Variants in GALT observed in about 807,000 individuals in gnomAD.
GALT encodes galactose-1-phosphate uridylyltransferase.
A neutral mutation model predicts 55.4 loss-of-function variants in GALT; 42 were observed. That is an observed-to-expected ratio of 0.76 (90% CI 0.59 to 0.98). The LOEUF (loss-of-function observed/expected upper bound fraction) is 0.98, where lower values mean the gene tolerates loss of function less well. GALT is among the 50% of genes least tolerant of loss of function. The probability of loss-of-function intolerance (pLI) is 0.00; values close to 1 mark genes in which losing one functional copy is unlikely to be tolerated. For synonymous variants in GALT, 154 were observed against 181.5 expected (o/e 0.85, Z 1.22); for missense variants, 407 against 495.7 (o/e 0.82, Z 1.70).
Position 34,646,751 on chromosome 9 carries a change from A to G in GALT, c.47A>G (p.Glu16Gly). ...CCTCAGCAACGCCAGCAGGCGTCAG[A>G]GGCGGACGCCGCAGCAGCAACCTTC... ...TDPQQRQQASEADAAAATFRA... is the reference protein window; with the variant it reads ...TDPQQRQQASGADAAAATFRA... The change falls in exon 1 of 11, where the codon GAG becomes GGG. Residue 16 changes from glutamate (E) to glycine (G), a missense_variant. Transcript: ENST00000378842. 6.2e-7 allele frequency: 1 copy of G among 1,613,616 alleles called. No individual in the cohort carries two copies. The highest frequency in any genetic ancestry group is 8.5e-7 in the Non-Finnish European group (1 of 1,179,964).
chr9:34,648,613 G>A lies in GALT; in HGVS notation c.688-149G>A, dbSNP rs2044245183. ...AGTAATCTAAAGGAAAGATGATGGT[G>A]ACTTAGACTCGGGTGGTTAGTGGTA... On this transcript the variant is annotated intron_variant, in intron 7 of 10. Transcript: ENST00000378842. This position sits in a 1 kb window ranked among gnomAD's most constrained non-coding sequence, Gnocchi z 4.9. The A allele has an allele frequency of 6.0e-6, 9 of 1,489,392 alleles. No individual in the cohort carries two copies. The Middle Eastern group carries it at 5.1e-4, about 85-fold the overall frequency. 92.3% of individuals were successfully genotyped at this position (1,489,392 alleles called of 1,614,324 possible).
rs762189546 is a variant in GALT at position 34,646,803 on chromosome 9, A to G, written c.82+17A>G. 6.2e-7 allele frequency: 1 copy of G among 1,613,228 alleles called. No individual in the cohort carries two copies. Among genetic ancestry groups the G allele is most frequent in the Non-Finnish European group, 8.5e-7 (1 of 1,179,872 alleles). On this transcript the variant is annotated intron_variant, in intron 1 of 10. Transcript: ENST00000378842. ...GGGCAAACGGTAACTGCACCGCGGCAGGGACTCGCTGGGGCGCGGAGCCGA... is the reference window on the plus strand; with the variant it reads ...GGGCAAACGGTAACTGCACCGCGGCGGGGACTCGCTGGGGCGCGGAGCCGA...
At chr9:34,646,826 C>G (rs1200951022) in intron 1 of GALT, 40 bp downstream of exon 1, 9 of 1,612,704 alleles carry the variant, frequency 5.6e-6, no homozygotes, top group Non-Finnish European at 6.8e-6. Flanking sequence ...GGCGCGGAGC[C>G]GAGCCCTCCC....
At chr9:34,649,144 C>T (rs1821189683) in intron 9 of GALT, 63 bp downstream of exon 9, 1 of 1,501,458 alleles carries the variant, frequency 6.7e-7, no homozygotes, top group Admixed American at 1.7e-5. Flanking sequence ...GGGGCTCAGC[C>T]TAGTGAACTG....
chr9:34,646,965 C>T (rs1587236821), intron 1 of GALT, 124 bp from the exon 2 acceptor site: 5 of 1,604,718 alleles, frequency 3.1e-6, no homozygotes, highest in Non-Finnish European at 3.4e-6. Flanking sequence ...CAATCCTGGG[C>T]CTCTAGCTCC....
At chr9:34,650,058 T>A in intron 10 of GALT, 1 of 383,774 alleles carries the variant, frequency 2.6e-6, no homozygotes, top group South Asian at 2.9e-5. Flanking sequence ...GATGGGAGGA[T>A]TGCTTGAGCC....
At position 34,647,347 on chromosome 9, in the gene GALT, C is replaced by A. The variant is rs1289686669; in HGVS notation, c.252+89C>A. ...TCCTCCACCCACAGGGATAGTGAACCTCCTTCTGGGTCATATCCCACCAAG... is the reference window on the plus strand; with the variant it reads ...TCCTCCACCCACAGGGATAGTGAACATCCTTCTGGGTCATATCCCACCAAG... On this transcript the variant is annotated intron_variant, in intron 2 of 10. Transcript: ENST00000378842. This position sits in a 1 kb window ranked among gnomAD's most constrained non-coding sequence, Gnocchi z 5.6. 6.3e-7 allele frequency: 1 copy of A among 1,594,596 alleles called. No homozygotes were observed. The highest frequency in any genetic ancestry group is 8.6e-7 in the Non-Finnish European group (1 of 1,163,272).
rs774080916 is a variant in GALT, at chr9:34,648,066, T to G, written c.508-49T>G. On this transcript the variant is annotated intron_variant, in intron 5 of 10. Coordinates refer to ENST00000378842, the MANE Select transcript of GALT (RefSeq NM_000155.4). This position sits in a 1 kb window ranked among gnomAD's most constrained non-coding sequence, Gnocchi z 4.9. ...TCCACAGGGTGTGGTCAGGAGGGAGTTGACTTGGTGTCTTTTGGCTAACAG... is the reference window on the plus strand; with the variant it reads ...TCCACAGGGTGTGGTCAGGAGGGAGGTGACTTGGTGTCTTTTGGCTAACAG... 19 of 1,613,576 alleles carry G rather than the reference T, an allele frequency of 1.2e-5. No individual in the cohort carries two copies. Among genetic ancestry groups the G allele is most frequent in the Non-Finnish European group, 1.2e-5 (14 of 1,179,952 alleles).
Position 34,646,687 on chromosome 9 carries a change from G to A in GALT, c.-18G>A, listed in dbSNP as rs1356921450. Reference sequence around the variant, plus strand: ...GGCACGGCCCTGCAGATTTTCCAGCGGATCCCCCGGTGGCCTCATGTCGCG... The same window carrying A: ...GGCACGGCCCTGCAGATTTTCCAGCAGATCCCCCGGTGGCCTCATGTCGCG... On this transcript the variant is annotated 5_prime_UTR_variant, in exon 1 of 11. Coordinates refer to ENST00000378842, the MANE Select transcript of GALT (RefSeq NM_000155.4). The A allele has an allele frequency of 1.1e-5, 18 of 1,613,462 alleles. No homozygotes were observed. The highest frequency in any genetic ancestry group is 1.5e-5 in the Non-Finnish European group (18 of 1,179,974).
At position 34,647,506 on chromosome 9, in the gene GALT, C is replaced by A; in HGVS notation, c.267C>A (p.Tyr89Ter). Residue 89 changes from tyrosine to a stop codon, truncating the protein, a stop_gained, in exon 3 of 11, where the codon TAC becomes TAA. Transcript: ENST00000378842. LOFTEE classifies it high-confidence loss of function. This position sits in a 1 kb window ranked among gnomAD's most constrained non-coding sequence, Gnocchi z 5.6. The stretch of plus-strand genomic sequence containing the variant: ...CTTGTCGGTAGGTGAATCCCCAGTA[C>A]GATAGCACCTTCCTGTTTGACAACG... ...IRANGEVNPQYDSTFLFDNDF... is the reference protein window; with the variant it reads ...IRANGEVNPQ The A allele has an allele frequency of 6.2e-7, 1 of 1,614,134 alleles. No individual in the cohort carries two copies. The highest frequency in any genetic ancestry group is 8.5e-7 in the Non-Finnish European group (1 of 1,180,002).
chr9:34,649,584 T>C lies in GALT; in HGVS notation c.1059+20T>C. ...GAGCAGGTCAGGACTCAGAACAGTC[T>C]GGCGTCTCCAGACTCTCACATGCAG... On this transcript the variant is annotated intron_variant, in intron 10 of 10. Transcript: ENST00000378842. 1.2e-6 allele frequency: 2 copies of C among 1,614,044 alleles called. No individual in the cohort carries two copies. Among genetic ancestry groups the C allele is most frequent in the Non-Finnish European group, 8.5e-7 (1 of 1,179,946 alleles).
At chr9:34,649,599 C>G (rs1480447725) in intron 10 of GALT, 35 bp downstream of exon 10, 1 of 1,610,480 alleles carries the variant, frequency 6.2e-7, no homozygotes, top group East Asian at 2.2e-5. Flanking sequence ...TCTCCAGACT[C>G]TCACATGCAG....
chr9:34,648,359 A>G lies in GALT; in HGVS notation c.590A>G (p.Asp197Gly), dbSNP rs1554709359. ...CQVWASSFLP[D>G]IAQREERSQQ... ...GTATGGGCCAGCAGTTTCCTGCCAG[A>G]TATTGCCCAGCGTGAGGAGCGATCT... is the stretch of plus-strand genomic sequence containing the variant. Residue 197 changes from aspartate to glycine, a missense_variant, in exon 7 of 11, where the codon GAT becomes GGT. By Grantham distance (94) the Asp-to-Gly change is moderately conservative (BLOSUM62 -1). Transcript: ENST00000378842. The surrounding 1 kb of genome is among the most constrained non-coding windows in gnomAD (Gnocchi z 4.9). 3 of 1,614,034 alleles carry G rather than the reference A, an allele frequency of 1.9e-6. No individual in the cohort carries two copies. The highest frequency in any genetic ancestry group is 1.6e-4 in the Middle Eastern group (1 of 6,084).
rs2132345023 is a variant in GALT at position 34,648,842 on chromosome 9, GC to G, written c.772del (p.Arg258ValfsTer10). 1 of 1,613,296 alleles carries G rather than the reference GC, an allele frequency of 6.2e-7. No individual in the cohort carries two copies. The highest frequency in any genetic ancestry group is 1.1e-5 in the South Asian group (1 of 91,064). The part of the protein sequence containing the change: ...ATWPYQTLLL[P>X]RRHVRRLPEL... ...CATGGCCCTACCAGACACTGCTGCT[GC>G]CCCGTCGGCATGTGCGGCGGCTACC... is the stretch of plus-strand genomic sequence containing the variant. On this transcript the variant is annotated frameshift_variant, in exon 8 of 11. Transcript: ENST00000378842. LOFTEE classifies it high-confidence loss of function. The surrounding 1 kb of genome is among the most constrained non-coding windows in gnomAD (Gnocchi z 4.9).
rs779958843 is a variant in GALT, at chr9:34,646,691, C to T, written c.-14C>T. The T allele has an allele frequency of 2.5e-6, 4 of 1,613,524 alleles. No homozygotes were observed. The highest frequency in any genetic ancestry group is 2.2e-5 in the East Asian group (1 of 44,860). On this transcript the variant is annotated 5_prime_UTR_variant, in exon 1 of 11. Transcript: ENST00000378842. ...CGGCCCTGCAGATTTTCCAGCGGATCCCCCGGTGGCCTCATGTCGCGCAGT... is the reference window on the plus strand; with the variant it reads ...CGGCCCTGCAGATTTTCCAGCGGATTCCCCGGTGGCCTCATGTCGCGCAGT...
At position 34,647,216 on chromosome 9, in the gene GALT, T is replaced by A. The variant is rs528320335; in HGVS notation, c.210T>A (p.Pro70=). ...TGAAGACAGTGCCCCGCCATGACCCTCTCAACCCTCTGTGTCCTGGGGCCA... is the reference window on the plus strand; with the variant it reads ...TGAAGACAGTGCCCCGCCATGACCCACTCAACCCTCTGTGTCCTGGGGCCA... ...QLLKTVPRHD[P]LNPLCPGAIR... The change falls in exon 2 of 11, where the codon CCT becomes CCA. Residue 70 remains proline (P), a synonymous_variant. Transcript: ENST00000378842. This position sits in a 1 kb window ranked among gnomAD's most constrained non-coding sequence, Gnocchi z 5.6. 5 of 1,614,114 alleles carry A rather than the reference T, an allele frequency of 3.1e-6. No homozygotes were observed. The highest frequency in any genetic ancestry group is 4.2e-6 in the Non-Finnish European group (5 of 1,179,998).
rs937733171 is a variant in GALT at position 34,648,277 on chromosome 9, G to A, written c.565-57G>A. The A allele has an allele frequency of 9.3e-6, 15 of 1,613,746 alleles. No individual in the cohort carries two copies. The highest frequency in any genetic ancestry group is 1.3e-5 in the African/African-American group (1 of 74,914). On this transcript the variant is annotated intron_variant, in intron 6 of 10. Coordinates refer to ENST00000378842, the MANE Select transcript of GALT (RefSeq NM_000155.4). The surrounding 1 kb of genome is among the most constrained non-coding windows in gnomAD (Gnocchi z 4.9). Reference sequence around the variant, plus strand: ...GGGACAGAGGAAATATGCCAATGATGTGGAGGCTTGGAGGTAAAGGACCTG... The same window carrying A: ...GGGACAGAGGAAATATGCCAATGATATGGAGGCTTGGAGGTAAAGGACCTG...
rs1821236784 is a variant in GALT, at chr9:34,650,816, T to A, written c.*367T>A. 8.3e-6 allele frequency: 2 copies of A among 239,610 alleles called. No individual in the cohort carries two copies. Among genetic ancestry groups the A allele is most frequent in the Non-Finnish European group, 1.7e-5 (2 of 120,668 alleles). The allele number at this position is 239,610 out of a possible 1,614,324, so 14.8% of individuals were successfully genotyped here. On this transcript the variant is annotated 3_prime_UTR_variant, in exon 11 of 11. Transcript: ENST00000378842. ...AGTTTAGGAAACTGTTTTAAAATCT[T>A]GTGTCTTGGTTGTGGCTGAGGCTTT...
In GALT at chr9:34,650,624, T is replaced by C. The variant is rs1821233905; in HGVS notation, c.*175T>C. 1.6e-6 allele frequency: 1 copy of C among 614,466 alleles called. No individual in the cohort carries two copies. Among genetic ancestry groups the C allele is most frequent in the Non-Finnish European group, 2.9e-6 (1 of 347,162 alleles). 38.1% of individuals were successfully genotyped at this position (614,466 alleles called of 1,614,324 possible). On this transcript the variant is annotated 3_prime_UTR_variant, in exon 11 of 11. Coordinates refer to ENST00000378842, the MANE Select transcript of GALT (RefSeq NM_000155.4). The stretch of plus-strand genomic sequence containing the variant: ...TCAGAGGAGTGTGAACCTTCAGAGA[T>C]CTAGGGTTAAAAGCTAAAGGCATAG...
Sources: gnomAD v4.1 joint callset for allele counts on GRCh38, gnomAD v4.1.1 for gene constraint, Gnocchi (gnomAD v3.1) non-coding constraint, MANE v1.5 for transcripts, NCBI Gene and HGNC (gene_info 2026-07-23, HGNC 2026-07-21) for gene names.